ZBTB25: variants seen among roughly 807,000 people sequenced by gnomAD.
ZBTB25 encodes zinc finger and BTB domain containing 25.
In ZBTB25, 20 loss-of-function variants were observed where a neutral mutation model predicts 34.2. That is an observed-to-expected ratio of 0.58 (90% confidence interval 0.41 to 0.85). ZBTB25 has a LOEUF of 0.85. Among genes scored for constraint, ZBTB25 ranks in the 40% least tolerant of loss-of-function variants. ZBTB25 has a pLI of 0.00. For synonymous variants in ZBTB25, 175 were observed against 186.4 expected (o/e 0.94, Z 0.50); for missense variants, 437 against 521.8 (o/e 0.84, Z 1.58).
At position 64,480,008 on chromosome 14, in the gene ZBTB25, G is replaced by C. The variant is rs1478230341; in HGVS notation, c.*6915C>G. On this transcript the variant is annotated 3_prime_UTR_variant, in exon 3 of 3. Coordinates refer to ENST00000608382, the MANE Select transcript of ZBTB25 (RefSeq NM_006977.5). ...GATCATGTTACTGGGGGCAAAAGGC[G>C]ATACAGTAGACTGTAAATAGAGAAG... The C allele has an allele frequency of 6.5e-6, 1 of 154,564 alleles. No homozygotes were observed. Among genetic ancestry groups the C allele is most frequent in the Non-Finnish European group, 1.4e-5 (1 of 69,662 alleles). The allele number at this position is 154,564 out of a possible 1,614,324, so 9.6% of individuals were successfully genotyped here.
chr14:64,491,274 T>C (rs1304689035), intron 1 of ZBTB25, among the ~76,000 whole-genome samples: 1 of 152,174 alleles, frequency 6.6e-6, no homozygotes, highest in African/African-American at 2.4e-5. Flanking sequence ...GAGACCAACC[T>C]GAGCAATATA....
intron 2 of ZBTB25, chr14:64,471,157 T>TC (rs1280943836): frequency 6.4e-6 from 1 of 155,098 alleles, no homozygotes; most frequent in Non-Finnish European, 1.5e-5. Context: ...TTCTTTTCTT[T>TC]TTTTTTTTTT....
intron 2 of ZBTB25, among the ~76,000 whole-genome samples, chr14:64,463,965 G>A (rs552864586): frequency 7.9e-5 from 12 of 152,054 alleles, no homozygotes; most frequent in African/African-American, 1.7e-4. Context: ...AACAAGCAGC[G>A]CTAGCAACCC....
At chr14:64,454,438 A>C (rs1294449833) in intron 2 of ZBTB25, among the ~76,000 whole-genome samples, 1 of 151,604 alleles carries the variant, frequency 6.6e-6, no homozygotes, top group Non-Finnish European at 1.5e-5. Flanking sequence ...TCTCATATCT[A>C]CTCCAAACTA....
chr14:64,486,612 A>G lies in ZBTB25; in HGVS notation c.*311T>C, dbSNP rs2078868033. 1.0e-6 allele frequency: 1 copy of G among 956,356 alleles called. No homozygotes were observed. Among genetic ancestry groups the G allele is most frequent in the African/African-American group, 1.7e-5 (1 of 58,168 alleles). 59.2% of individuals were successfully genotyped at this position (956,356 alleles called of 1,614,324 possible). A position where few individuals can be genotyped will look rare whatever the true frequency, so the allele number is the denominator to read the frequency against. The stretch of plus-strand genomic sequence containing the variant: ...CTTTATATTCAATTTGATTTTACTG[A>G]TTCTATAACTGGAAAAACTTAGAAT... On this transcript the variant is annotated 3_prime_UTR_variant, in exon 3 of 3. Transcript: ENST00000608382.
intron 2 of ZBTB25, among the ~76,000 whole-genome samples, chr14:64,454,073 G>C (rs2078423553): frequency 6.6e-6 from 1 of 152,190 alleles, no homozygotes. Context: ...AGAAATCCAT[G>C]AGGAAATACA....
intron 2 of ZBTB25, chr14:64,468,694 A>G: frequency 6.2e-7 from 1 of 1,614,146 alleles, no homozygotes; most frequent in Non-Finnish European, 8.5e-7. Context: ...AGCAAAAGCC[A>G]TTGGAGGGTG....
In ZBTB25 at chr14:64,487,927, G is replaced by T. The variant is rs1241294269; in HGVS notation, c.304C>A (p.Leu102Ile). The T allele has an allele frequency of 3.1e-6, 5 of 1,614,026 alleles. No homozygotes were observed. Among genetic ancestry groups the T allele is most frequent in the Admixed American group, 3.3e-5 (2 of 60,002 alleles). Reference sequence around the variant, plus strand: ...ATGTGAGAAAGGTAGTCGGCGTGAAGAAATCGAATCCCTTCCTCCAAACGA... The same window carrying T: ...ATGTGAGAAAGGTAGTCGGCGTGAATAAATCGAATCCCTTCCTCCAAACGA... The part of the protein sequence containing the change: ...HSRLEEGIRF[L>I]HADYLSHIAT... The change falls in exon 3 of 3, where the codon CTT (leucine) becomes ATT (isoleucine). Residue 102 changes from leucine to isoleucine, a missense_variant. By Grantham distance (5) the Leu-to-Ile change is conservative (BLOSUM62 2). Coordinates refer to ENST00000608382, the MANE Select transcript of ZBTB25 (RefSeq NM_006977.5).
intron 2 of ZBTB25, among the ~76,000 whole-genome samples, chr14:64,451,202 T>G (rs1330030776): frequency 6.6e-6 from 1 of 152,116 alleles, no homozygotes; most frequent in African/African-American, 2.4e-5. Flanking sequence ...TTATTTTTCT[T>G]GTAGTGACTG....
chr14:64,449,494 C>T, exon 3 of ZBTB25: 1 of 1,614,132 alleles, frequency 6.2e-7, no homozygotes, highest in Non-Finnish European at 8.5e-7. Context: ...TTCCAGAGAA[C>T]ATGGGGCTTT....
At chr14:64,474,907 T>C (rs1283832663), downstream of ZBTB25, among the ~76,000 whole-genome samples, 1 of 152,252 alleles carries the variant, frequency 6.6e-6, no homozygotes, top group African/African-American at 2.4e-5. Flanking sequence ...TAAAAAGTTC[T>C]GTGTTTACTA....
chr14:64,470,906 A>T (rs2078663287), intron 2 of ZBTB25: 1 of 167,034 alleles, frequency 6.0e-6, no homozygotes, highest in African/African-American at 2.4e-5. Flanking sequence ...ACTTCTCTCC[A>T]AAGAGGGGAG....
intron 2 of ZBTB25, chr14:64,458,697 T>C (rs922505910): frequency 3.7e-6 from 1 of 270,468 alleles, no homozygotes. Context: ...TCTGAATAGG[T>C]AGTTAGAAGG....
intron 1 of ZBTB25, among the ~76,000 whole-genome samples, chr14:64,492,475 G>C (rs192030292): frequency 6.6e-6 from 1 of 152,082 alleles, no homozygotes; most frequent in African/African-American, 2.4e-5. Flanking sequence ...CTAAAGGCAT[G>C]AGCCACCGTG....
chr14:64,478,619 T>G lies in ZBTB25; in HGVS notation c.*8304A>C, dbSNP rs924345279. 6.6e-6 allele frequency: 1 copy of G among 152,200 alleles called. No homozygotes were observed. The highest frequency in any genetic ancestry group is 1.5e-5 in the Non-Finnish European group (1 of 68,042). The allele number at this position is 152,200 out of a possible 1,614,324, so 9.4% of individuals were successfully genotyped here. On this transcript the variant is annotated 3_prime_UTR_variant, in exon 3 of 3. Transcript: ENST00000608382. ...TGGAAAAATCTTCAGAAATGCTCAA[T>G]GTAGCACAATAATGTGATATTTTAA... is the stretch of plus-strand genomic sequence containing the variant.
At position 64,501,310 on chromosome 14, in the gene ZBTB25, T is replaced by C. The variant is rs375128139; in HGVS notation, c.-8+2351A>G. Among the ~76,000 whole-genome samples, 9 of 152,354 alleles carry C rather than the reference T, an allele frequency of 5.9e-5. No individual in the cohort carries two copies. The East Asian group carries it at 9.6e-4, about 16-fold the overall frequency. On this transcript the variant is annotated intron_variant, in intron 1 of 2. Coordinates refer to ENST00000608382, the MANE Select transcript of ZBTB25 (RefSeq NM_006977.5). ...AAAATCGTCACTGTGATGACTAATG[T>C]ATTATTTTCATTTCCATTTTACAAA...
At chr14:64,493,768 A>C (rs1212025185) in intron 1 of ZBTB25, among the ~76,000 whole-genome samples, 1 of 152,004 alleles carries the variant, frequency 6.6e-6, no homozygotes, top group African/African-American at 2.4e-5. Flanking sequence ...CTAGGTGTTG[A>C]TATAAAGGCA....
chr14:64,449,663 A>C, intron 2 of ZBTB25: 1 of 1,605,210 alleles, frequency 6.2e-7, no homozygotes, highest in Non-Finnish European at 8.5e-7. Context: ...AAAAGACGAA[A>C]AGGGCACAGT....
intron 1 of ZBTB25, among the ~76,000 whole-genome samples, chr14:64,491,981 C>T (rs761238226): frequency 1.9e-4 from 29 of 151,868 alleles, no homozygotes; most frequent in Middle Eastern, 3.4e-3. Flanking sequence ...TAGCCAGGCA[C>T]GGTGGTGCAT....
Sources: gnomAD v4.1 joint callset for allele counts (sites outside exome capture counted in the v4.1 genomes callset) on GRCh38, gnomAD v4.1.1 for gene constraint, MANE v1.5 for transcripts, NCBI Gene and HGNC (gene_info 2026-07-23, HGNC 2026-07-21) for gene names.